IFT172: variants seen among roughly 807,000 people sequenced by gnomAD.
IFT172 encodes intraflagellar transport protein 172 homolog.
In IFT172, 164 loss-of-function variants were observed where a neutral mutation model predicts 248.9. The observed-to-expected ratio is 0.66, with a 90% CI of 0.58 to 0.75. IFT172 has a LOEUF of 0.75. Among genes scored for constraint, IFT172 ranks in the 30% least tolerant of loss-of-function variants. The probability of loss-of-function intolerance (pLI) is 0.00; values close to 1 mark genes in which losing one functional copy is unlikely to be tolerated. For missense variants in IFT172, 1,950 were observed against 2,192.4 expected (o/e 0.89, Z 2.21); for synonymous variants, 729 against 791.6 (o/e 0.92, Z 1.33).
At chr2:27,488,216 C>G (rs1249029824) in intron 1 of IFT172, among the ~76,000 whole-genome samples, 1 of 151,938 alleles carries the variant, frequency 6.6e-6, no homozygotes, top group Non-Finnish European at 1.5e-5. Flanking sequence ...TGCAGTGGCA[C>G]GATCTCGGCT....
rs1284736730 is a variant in IFT172, at chr2:27,454,286, G to C, written c.3530+68C>G. On this transcript the variant is annotated intron_variant, in intron 32 of 47. Coordinates refer to ENST00000260570, the MANE Select transcript of IFT172 (RefSeq NM_015662.3). This position sits in a 1 kb window ranked among gnomAD's most constrained non-coding sequence, Gnocchi z 4.2. ...TGTTCTAGGTTTGAATGAAGGTCAA[G>C]ATAATCATGAAAGATCCTGGGACGG... 3.7e-6 allele frequency: 6 copies of C among 1,608,722 alleles called. No homozygotes were observed. The South Asian group carries it at 4.4e-5, about 12-fold the overall frequency.
chr2:27,447,461 C>G, intron 42 of IFT172, 54 bp downstream of exon 42: 1 of 1,595,478 alleles, frequency 6.3e-7, no homozygotes, highest in East Asian at 2.2e-5. Context: ...CAGCTTTATA[C>G]ATTTGCAGAT....
At chr2:27,480,776 G>A (rs554899671) in intron 8 of IFT172, among the ~76,000 whole-genome samples, 113 of 152,172 alleles carry the variant, frequency 7.4e-4, no homozygotes, top group South Asian at 1.7e-3. Flanking sequence ...AACTCTAAGC[G>A]GTCTCAAAGG....
chr2:27,457,788 G>C (rs770398234), intron 28 of IFT172, 33 bp from the exon 29 acceptor site: 1 of 1,614,142 alleles, frequency 6.2e-7, no homozygotes, highest in Non-Finnish European at 8.5e-7. Flanking sequence ...GGAGAGATGG[G>C]GAGATGGAGC....
At chr2:27,452,105 G>A (rs919723595) in intron 35 of IFT172, among the ~76,000 whole-genome samples, 3 of 152,054 alleles carry the variant, frequency 2.0e-5, no homozygotes, top group African/African-American at 7.2e-5. Context: ...TTTGGATGAG[G>A]TTAACATTTA....
chr2:27,454,435 G>T lies in IFT172; in HGVS notation c.3466-17C>A. On this transcript the variant is annotated splice_polypyrimidine_tract_variant and intron_variant, in intron 31 of 47. Coordinates refer to ENST00000260570, the MANE Select transcript of IFT172 (RefSeq NM_015662.3). This position sits in a 1 kb window ranked among gnomAD's most constrained non-coding sequence, Gnocchi z 4.2. ...GAATTTACCCTACAGGGAGAGAAAG[G>T]CAGCCGTGCATGATGAGAAGGAGAC... 2 of 1,614,150 alleles carry T rather than the reference G, an allele frequency of 1.2e-6. No individual in the cohort carries two copies. The highest frequency in any genetic ancestry group is 1.7e-6 in the Non-Finnish European group (2 of 1,180,044).
rs1572778005 is a variant in IFT172 at position 27,465,813 on chromosome 2, C to T, written c.1762G>A (p.Val588Ile). 5.0e-6 allele frequency: 8 copies of T among 1,614,108 alleles called. No individual in the cohort carries two copies. The highest frequency in any genetic ancestry group is 5.9e-6 in the Non-Finnish European group (7 of 1,180,008). ...EVMVMEGVTT[V>I]AYTLDEGLIE... is the part of the protein sequence containing the mutation. ...AGGCCCTCATCCAATGTGTAGGCAA[C>T]AGTAGTCACACCTTCCATCACCATC... Residue 588 changes from valine (V) to isoleucine (I), a missense_variant, in exon 17 of 48, where the codon GTT (valine) becomes ATT (isoleucine). Transcript: ENST00000260570.
rs550112639 is a variant in IFT172 at position 27,462,168 on chromosome 2, G to C, written c.2116-332C>G. 4.3e-4 allele frequency among the ~76,000 whole-genome samples: 66 copies of C among 152,216 alleles called. No individual in the cohort carries two copies. In the South Asian group the frequency reaches 0.013, roughly 30 times the overall value. On this transcript the variant is annotated intron_variant, in intron 20 of 47. Transcript: ENST00000260570. ...CCACCTCAGCCTCCCGAGTAGCTGGGATTACAGGCGTGTGCCACCACTCCT... is the reference window on the plus strand; with the variant it reads ...CCACCTCAGCCTCCCGAGTAGCTGGCATTACAGGCGTGTGCCACCACTCCT...
At position 27,444,999 on chromosome 2, in the gene IFT172, G is replaced by A. The variant is rs889302546; in HGVS notation, c.5160+15C>T. On this transcript the variant is annotated intron_variant, in intron 47 of 47. Transcript: ENST00000260570. ...TGCCCTCTCTGCCTTCATTCTCCAA[G>A]TCCTCCTCTCTAACCTTGATGGCCA... is the stretch of plus-strand genomic sequence containing the variant. 1.9e-6 allele frequency: 3 copies of A among 1,611,428 alleles called. No individual in the cohort carries two copies. The highest frequency in any genetic ancestry group is 3.4e-5 in the Admixed American group (2 of 59,662).
At chr2:27,450,592 T>C (rs1034936792) in intron 35 of IFT172, among the ~76,000 whole-genome samples, 15 of 152,166 alleles carry the variant, frequency 9.9e-5, no homozygotes, top group Non-Finnish European at 1.5e-5. Context: ...AATGGTAGTA[T>C]TTTATTTAAT....
chr2:27,447,545 C>T lies in IFT172; in HGVS notation c.4629G>A (p.Thr1543=), dbSNP rs371031629. The T allele has an allele frequency of 2.0e-5, 33 of 1,613,986 alleles. No homozygotes were observed. The highest frequency in any genetic ancestry group is 8.0e-5 in the African/African-American group (6 of 74,924). ...TMLLIAHYYA[T]RSAAQSVKQL... ...GTTTGACACTCTGGGCTGCAGAGCG[C>T]GTGGCATAGTAATGAGCGATCAGCA... The change falls in exon 42 of 48, where the codon ACG becomes ACA. Residue 1543 remains threonine, a synonymous_variant. Transcript: ENST00000260570.
intron 14 of IFT172, among the ~76,000 whole-genome samples, chr2:27,475,777 C>CT (rs10712396): frequency 2.2e-4 from 33 of 147,546 alleles, no homozygotes; most frequent in African/African-American, 4.2e-4. Context: ...GAGTCCCATT[C>CT]TTTTTTTTTT....
intron 41 of IFT172, 37 bp downstream of exon 41, chr2:27,447,775 G>A (rs751764212): frequency 6.3e-7 from 1 of 1,587,748 alleles, no homozygotes; most frequent in Admixed American, 1.7e-5. Context: ...AAGAGATGAG[G>A]ACAAGGACAG....
chr2:27,459,945 G>A, intron 23 of IFT172, 116 bp from the exon 24 acceptor site: 1 of 1,380,314 alleles, frequency 7.2e-7, no homozygotes, highest in Non-Finnish European at 9.9e-7. Context: ...ATGGAGGACT[G>A]GAGCCAGGCA....
In IFT172 at chr2:27,445,882, G is replaced by A. The variant is rs747003975; in HGVS notation, c.4816-39C>T. ...GGCAACCATGAACTAGGCACAGCTC[G>A]CGACTGGCAAAAACCTCCACCCTCG... On this transcript the variant is annotated intron_variant, in intron 44 of 47. Coordinates refer to ENST00000260570, the MANE Select transcript of IFT172 (RefSeq NM_015662.3). This position sits in a 1 kb window ranked among gnomAD's most constrained non-coding sequence, Gnocchi z 4.4. The A allele has an allele frequency of 7.4e-6, 12 of 1,613,998 alleles. No individual in the cohort carries two copies. Among genetic ancestry groups the A allele is most frequent in the African/African-American group, 1.3e-5 (1 of 74,918 alleles).
At chr2:27,488,487 C>A (rs182940513) in intron 1 of IFT172, among the ~76,000 whole-genome samples, 123 of 152,162 alleles carry the variant, frequency 8.1e-4, no homozygotes, top group African/African-American at 2.9e-3. Flanking sequence ...GAATCTTGGG[C>A]TCAAGTGATC....
At chr2:27,470,118 A>G (rs1667439394) in intron 16 of IFT172, among the ~76,000 whole-genome samples, 1 of 151,984 alleles carries the variant, frequency 6.6e-6, no homozygotes, top group Non-Finnish European at 1.5e-5. Context: ...GGTGGCATGC[A>G]CCTGTAGTCC....
Position 27,477,562 on chromosome 2 carries a change from CTCATTT to C in IFT172, c.1212_1217del (p.Glu406_Asn407del). ...TGGTGAATCAAGCTCTACTCACATT[CTCATTT>C]TCAAAGAAATACTTCTCATTGCCAC... On this transcript the variant is annotated inframe_deletion, in exon 12 of 48. Coordinates refer to ENST00000260570, the MANE Select transcript of IFT172 (RefSeq NM_015662.3). 1.9e-6 allele frequency: 3 copies of C among 1,604,098 alleles called. No individual in the cohort carries two copies. Among genetic ancestry groups the C allele is most frequent in the Non-Finnish European group, 2.6e-6 (3 of 1,170,786 alleles).
chr2:27,459,315 G>A, intron 25 of IFT172, 63 bp downstream of exon 25: 6 of 1,574,370 alleles, frequency 3.8e-6, no homozygotes, highest in Non-Finnish European at 5.2e-6. Context: ...TTCCTGCTTT[G>A]GGTTCTCTCA....
Sources: allele counts gnomAD v4.1 joint callset (sites outside exome capture counted in the v4.1 genomes callset), GRCh38; gene constraint gnomAD v4.1.1; non-coding constraint Gnocchi (gnomAD v3.1); transcripts MANE v1.5; gene names NCBI Gene and HGNC (gene_info 2026-07-23, HGNC 2026-07-21).